The following ADGRG7 variants were observed in gnomAD, a reference collection of about 807,000 sequenced individuals.
ADGRG7 encodes G-protein coupled receptor 128.
Under a neutral mutation model 88.6 loss-of-function variants are expected in ADGRG7, and 82 were observed. The ratio of observed to expected loss-of-function variants is 0.93; its 90% CI spans 0.77 to 1.11. The LOEUF is 1.11. ADGRG7 is among the 50% of genes most tolerant of loss of function. The probability of loss-of-function intolerance (pLI) is 0.00; values close to 1 mark genes in which losing one functional copy is unlikely to be tolerated. For missense variants in ADGRG7, 945 were observed against 953.4 expected, an observed-to-expected ratio of 0.99 and a Z score of 0.12; for synonymous variants, 381 against 345.2, an observed-to-expected ratio of 1.10 and a Z score of -1.15.
chr3:100,645,896 T>C, intron 8 of ADGRG7, 49 bp from the exon 9 acceptor site: 1 of 1,526,208 alleles, frequency 6.6e-7, no homozygotes, highest in Non-Finnish European at 8.9e-7. Flanking sequence ...TTGTTTTTTG[T>C]TTACCTTACA....
At chr3:100,688,168 G>A (rs1399158128) in intron 15 of ADGRG7, among the ~76,000 whole-genome samples, 1 of 152,220 alleles carries the variant, frequency 6.6e-6, no homozygotes, top group African/African-American at 2.4e-5. Flanking sequence ...TTTGCATAGA[G>A]GTGTTTATAG....
chr3:100,610,917 G>GT (rs1489627486), intron 1 of ADGRG7, among the ~76,000 whole-genome samples: 1 of 152,296 alleles, frequency 6.6e-6, no homozygotes, highest in East Asian at 1.9e-4. Flanking sequence ...AAGATCCAGT[G>GT]TTGAAGACCA....
intron 1 of ADGRG7, among the ~76,000 whole-genome samples, chr3:100,617,658 A>T (rs1468473224): frequency 2.6e-5 from 4 of 152,170 alleles, no homozygotes; most frequent in Non-Finnish European, 2.9e-5. Flanking sequence ...TATTGTGAAT[A>T]GTGCCGCAAT....
chr3:100,693,971 G>A (rs2094998105), intron 15 of ADGRG7, among the ~76,000 whole-genome samples: 1 of 152,216 alleles, frequency 6.6e-6, no homozygotes, highest in African/African-American at 2.4e-5. Flanking sequence ...GGATAGAGGA[G>A]GGGTTTTGGA....
intron 11 of ADGRG7, chr3:100,654,092 A>C (rs2094934141): frequency 6.6e-6 from 1 of 152,070 alleles, no homozygotes; most frequent in Admixed American, 6.5e-5. Context: ...GGAAGAGGAG[A>C]GGCCAGGCTC....
intron 1 of ADGRG7, among the ~76,000 whole-genome samples, chr3:100,622,886 A>T (rs1178748056): frequency 1.3e-5 from 2 of 150,652 alleles, no homozygotes; most frequent in African/African-American, 4.9e-5. Context: ...CTCAGCTGGG[A>T]CTACAGGCAT....
chr3:100,663,056 CAT>C (rs1014322865), intron 14 of ADGRG7, among the ~76,000 whole-genome samples: 9 of 152,036 alleles, frequency 5.9e-5, no homozygotes, highest in African/African-American at 1.4e-4. Flanking sequence ...TTGCAAAAAA[CAT>C]GTTATTGACT....
Position 100,643,433 on chromosome 3 carries a change from A to C in ADGRG7, c.838+28A>C. ...GAGCTGTTAATCTTATGTGCTTGTAACAGCAAAGAGCATTCTGCTACTGAT... is the reference window on the plus strand; with the variant it reads ...GAGCTGTTAATCTTATGTGCTTGTACCAGCAAAGAGCATTCTGCTACTGAT... On this transcript the variant is annotated intron_variant, in intron 7 of 15. Coordinates refer to ENST00000273352, the MANE Select transcript of ADGRG7 (RefSeq NM_032787.3). 1.9e-6 allele frequency: 3 copies of C among 1,613,120 alleles called. No individual in the cohort carries two copies. In the South Asian group the frequency reaches 3.3e-5, roughly 18 times the overall value.
chr3:100,618,481 T>C (rs1191156599), intron 1 of ADGRG7, among the ~76,000 whole-genome samples: 4 of 152,154 alleles, frequency 2.6e-5, no homozygotes, highest in East Asian at 1.9e-4. Context: ...GGAATCATTT[T>C]CCCATTTCTT....
chr3:100,634,075 G>A (rs1707495806), intron 4 of ADGRG7, among the ~76,000 whole-genome samples: 1 of 152,186 alleles, frequency 6.6e-6, no homozygotes, highest in Admixed American at 6.5e-5. Flanking sequence ...CCTGATGCGG[G>A]TCTCAGGGCA....
Position 100,646,507 on chromosome 3 carries a change from A to AT in ADGRG7, c.1111-54dup, listed in dbSNP as rs578171751. 4.9e-5 allele frequency: 67 copies of AT among 1,379,940 alleles called. 1 individual carries two copies. The highest frequency in any genetic ancestry group is 5.6e-5 in the Non-Finnish European group (55 of 985,294). The allele number at this position is 1,379,940 out of a possible 1,614,324, so 85.5% of individuals were successfully genotyped here. Reference sequence around the variant, plus strand: ...TCAGATGACTGTCTTATACTACTTGATTTTTTTTAACCCAATTAAGTATTT... The same window carrying AT: ...TCAGATGACTGTCTTATACTACTTGATTTTTTTTTAACCCAATTAAGTATTT... On this transcript the variant is annotated intron_variant, in intron 9 of 15. Coordinates refer to ENST00000273352, the MANE Select transcript of ADGRG7 (RefSeq NM_032787.3).
At chr3:100,655,235 A>T in intron 12 of ADGRG7, 54 bp downstream of exon 12, 2 of 1,307,464 alleles carry the variant, frequency 1.5e-6, no homozygotes, top group Non-Finnish European at 2.1e-6. Flanking sequence ...GAAATCATTT[A>T]ATTTAAACAC....
At chr3:100,657,196 A>G (rs918029308) in intron 13 of ADGRG7, among the ~76,000 whole-genome samples, 2 of 152,130 alleles carry the variant, frequency 1.3e-5, no homozygotes, top group African/African-American at 4.8e-5. Flanking sequence ...AGAGGAAAGG[A>G]TGTGTGACAT....
At chr3:100,666,620 C>G (rs1396251701) in intron 14 of ADGRG7, among the ~76,000 whole-genome samples, 3 of 152,204 alleles carry the variant, frequency 2.0e-5, no homozygotes, top group Non-Finnish European at 4.4e-5. Context: ...AGACAGATGC[C>G]TTCCTCTTGT....
At chr3:100,669,982 G>A (rs1483668086) in intron 15 of ADGRG7, among the ~76,000 whole-genome samples, 1 of 152,042 alleles carries the variant, frequency 6.6e-6, no homozygotes, top group East Asian at 1.9e-4. Flanking sequence ...AGGTTGCAGT[G>A]AGCTGAGATC....
intron 15 of ADGRG7, among the ~76,000 whole-genome samples, chr3:100,687,998 A>G (rs1322100290): frequency 6.6e-6 from 1 of 152,034 alleles, no homozygotes; most frequent in Non-Finnish European, 1.5e-5. Context: ...CTGTGAATCC[A>G]TCTGGTACTG....
intron 13 of ADGRG7, among the ~76,000 whole-genome samples, chr3:100,659,439 C>CAAAAAAA (rs373835556): frequency 9.9e-5 from 8 of 80,902 alleles, no homozygotes; most frequent in Admixed American, 3.3e-4. Context: ...GACTCAGTCT[C>CAAAAAAA]AAAAAAAAAA....
At chr3:100,614,778 A>AT (rs1422912506) in intron 1 of ADGRG7, among the ~76,000 whole-genome samples, 6 of 152,124 alleles carry the variant, frequency 3.9e-5, no homozygotes, top group Non-Finnish European at 8.8e-5. Context: ...AGAAATTAAT[A>AT]TTTTTTATTT....
At chr3:100,619,936 AG>A (rs1409059830) in intron 1 of ADGRG7, among the ~76,000 whole-genome samples, 5 of 152,226 alleles carry the variant, frequency 3.3e-5, no homozygotes, top group African/African-American at 1.2e-4. Context: ...AACCAAAAAA[AG>A]TCCAGGACCA....
Sources: gnomAD v4.1 joint callset for allele counts (sites outside exome capture counted in the v4.1 genomes callset) on GRCh38, gnomAD v4.1.1 for gene constraint, MANE v1.5 for transcripts, NCBI Gene and HGNC (gene_info 2026-07-23, HGNC 2026-07-21) for gene names.